The following NCR1 variants were observed in gnomAD, a reference collection of about 807,000 sequenced individuals.
NCR1 encodes the protein NK cell-activating receptor.
Under a neutral mutation model 32.5 loss-of-function variants are expected in NCR1, and 30 were observed. That is an observed-to-expected ratio of 0.92 (90% confidence interval 0.69 to 1.25). The LOEUF (loss-of-function observed/expected upper bound fraction) is 1.25, where lower values mean the gene tolerates loss of function less well. Among genes scored for constraint, NCR1 ranks in the 50% most tolerant of loss-of-function variants. The probability of loss-of-function intolerance (pLI) is 0.00; values close to 1 mark genes in which losing one functional copy is unlikely to be tolerated. For synonymous variants in NCR1, 169 were observed against 143.4 expected (o/e 1.18, Z -1.28); for missense variants, 369 against 380.7 (o/e 0.97, Z 0.26).
At position 54,906,169 on chromosome 19, in the gene NCR1, G is replaced by C. The variant is rs374721067; in HGVS notation, c.-19G>C. 8 of 1,614,114 alleles carry C rather than the reference G, an allele frequency of 5.0e-6. No individual in the cohort carries two copies. Among genetic ancestry groups the C allele is most frequent in the Non-Finnish European group, 6.8e-6 (8 of 1,180,040 alleles). On this transcript the variant is annotated 5_prime_UTR_variant, in exon 1 of 7. Coordinates refer to ENST00000291890, the MANE Select transcript of NCR1 (RefSeq NM_004829.7). ...GCTCAGTCCCCACTGCTCAGCACTA[G>C]GCCGGCAGAATCTGAGCGATGTCTT...
Position 54,909,499 on chromosome 19 carries a change from G to A in NCR1, c.610G>A (p.Glu204Lys), listed in dbSNP as rs759650681. Residue 204 changes from glutamate (E) to lysine (K), a missense_variant, in exon 4 of 7, where the codon GAG (glutamate) becomes AAG (lysine). Physicochemically the swap from Glu to Lys is moderately conservative, Grantham distance 56. Coordinates refer to ENST00000291890, the MANE Select transcript of NCR1 (RefSeq NM_004829.7). ...YNNHAWSFPS[E>K]PVKLLVTGDI... The stretch of plus-strand genomic sequence containing the variant: ...CAACCATGCCTGGTCTTTCCCCAGT[G>A]AGCCAGTGAAGCTCCTGGTCACAGG... 8 of 1,606,754 alleles carry A rather than the reference G, an allele frequency of 5.0e-6. No homozygotes were observed. In the East Asian group the frequency reaches 1.8e-4, roughly 36 times the overall value.
the NCR1 span, among the ~76,000 whole-genome samples, chr19:54,927,155 G>A: frequency 1.3e-4 from 19 of 150,914 alleles, no homozygotes; most frequent in Non-Finnish European, 2.2e-4. Context: ...TTGGGAGGCC[G>A]AGGCAGGTGG....
At chr19:54,912,316 GC>G in intron 6 of NCR1, 98 bp downstream of exon 6, 1 of 1,222,086 alleles carries the variant, frequency 8.2e-7, no homozygotes, top group Non-Finnish European at 1.2e-6. Context: ...GGTGTCCTTG[GC>G]CAGGCGCAGT....
downstream of NCR1, among the ~76,000 whole-genome samples, chr19:54,920,560 C>T (rs1231731102): frequency 1.3e-5 from 2 of 152,140 alleles, no homozygotes; most frequent in Non-Finnish European, 2.9e-5. Context: ...AGTGTGGCAG[C>T]TCACGCGTGT....
At chr19:54,922,171 G>A in the NCR1 span, among the ~76,000 whole-genome samples, 1 of 152,128 alleles carries the variant, frequency 6.6e-6, no homozygotes, top group Non-Finnish European at 1.5e-5. Flanking sequence ...GGGATTACAG[G>A]TGTGAGCCAC....
chr19:54,909,932 CTCA>C, intron 4 of NCR1, 83 bp from the exon 5 acceptor site: 1 of 741,518 alleles, frequency 1.3e-6, no homozygotes, highest in East Asian at 3.8e-5. Flanking sequence ...AAGACTCCAT[CTCA>C]AAAAAAAAAA....
chr19:54,916,707 T>G (rs1330007880), downstream of NCR1, among the ~76,000 whole-genome samples: 1 of 130,590 alleles, frequency 7.7e-6, no homozygotes, highest in African/African-American at 2.9e-5. Flanking sequence ...GTTCTATTTT[T>G]TTTTTTTTTT....
Position 54,906,788 on chromosome 19 carries a change from G to A in NCR1, c.336G>A (p.Leu112=). Residue 112 remains leucine, a synonymous_variant, in exon 3 of 7, where the codon TTG becomes TTA. Transcript: ENST00000291890. Reference sequence around the variant, plus strand: ...AGCTCTGGTCAGAGCCCAGCAACTTGCTGGATCTGGTGGTAACAGGTAACT... The same window carrying A: ...AGCTCTGGTCAGAGCCCAGCAACTTACTGGATCTGGTGGTAACAGGTAACT... ...VGELWSEPSN[L]LDLVVTEMYD... The A allele has an allele frequency of 1.2e-6, 2 of 1,614,156 alleles. No homozygotes were observed. Among genetic ancestry groups the A allele is most frequent in the Non-Finnish European group, 1.7e-6 (2 of 1,180,030 alleles).
the NCR1 span, among the ~76,000 whole-genome samples, chr19:54,935,694 G>GA: frequency 9.4e-3 from 995 of 105,972 alleles, 7 homozygotes; most frequent in East Asian, 0.019. Flanking sequence ...CTGTCTCAAA[G>GA]AAAAAAAAAA....
chr19:54,908,900 G>A (rs2067789519), intron 3 of NCR1, among the ~76,000 whole-genome samples: 1 of 151,756 alleles, frequency 6.6e-6, no homozygotes, highest in Non-Finnish European at 1.5e-5. Flanking sequence ...ATAGTGCCAC[G>A]GCGCTCCAGC....
downstream of NCR1, among the ~76,000 whole-genome samples, chr19:54,914,164 C>CTTTTTTTTTTTTTT (rs533441878): frequency 3.2e-5 from 4 of 124,092 alleles, no homozygotes; most frequent in Admixed American, 8.1e-5. Context: ...TCTTCTCTTC[C>CTTTTTTTTTTTTTT]TTTTTTTTTT....
At chr19:54,912,090 G>T (rs1048987540) in intron 5 of NCR1, 78 bp from the exon 6 acceptor site, 1 of 1,261,458 alleles carries the variant, frequency 7.9e-7, no homozygotes, top group African/African-American at 1.5e-5. Context: ...AGAACGTCAT[G>T]GGGTAGACCC....
chr19:54,899,635 T>G, the NCR1 span, among the ~76,000 whole-genome samples: 1 of 148,470 alleles, frequency 6.7e-6, no homozygotes. Context: ...CCACTAAGGG[T>G]GAAGGAGAAG....
chr19:54,917,226 A>G (rs921816969), downstream of NCR1, among the ~76,000 whole-genome samples: 3 of 151,352 alleles, frequency 2.0e-5, no homozygotes, highest in African/African-American at 7.3e-5. Context: ...GAGGCAGGAG[A>G]ATCGTTCAAA....
the NCR1 span, among the ~76,000 whole-genome samples, chr19:54,937,041 AC>A: frequency 1.3e-5 from 2 of 151,234 alleles, no homozygotes; most frequent in Non-Finnish European, 2.9e-5. Context: ...ACACGGTGAA[AC>A]CCCGTCTTTA....
the NCR1 span, among the ~76,000 whole-genome samples, chr19:54,935,239 T>A: frequency 5.5e-4 from 84 of 151,866 alleles, 2 homozygotes; most frequent in African/African-American, 1.9e-3. Flanking sequence ...AAAAAAAAAT[T>A]TTTTTTTTGA....
the NCR1 span, among the ~76,000 whole-genome samples, chr19:54,935,783 T>C: frequency 6.6e-6 from 1 of 151,668 alleles, no homozygotes; most frequent in Non-Finnish European, 1.5e-5. Flanking sequence ...CTGAGATTGA[T>C]GATCCATTCT....
At chr19:54,923,668 C>A in the NCR1 span, 2 of 1,535,756 alleles carry the variant, frequency 1.3e-6, no homozygotes, top group South Asian at 2.2e-5. Flanking sequence ...GACCCTCTGA[C>A]CTGCATTCAT....
downstream of NCR1, among the ~76,000 whole-genome samples, chr19:54,914,422 T>A (rs2068091177): frequency 6.6e-6 from 1 of 152,080 alleles, no homozygotes; most frequent in Non-Finnish European, 1.5e-5. Flanking sequence ...CACTGCCACC[T>A]CCACCTCCAG....
Sources: gnomAD v4.1 joint callset for allele counts (sites outside exome capture counted in the v4.1 genomes callset) on GRCh38, gnomAD v4.1.1 for gene constraint, MANE v1.5 for transcripts, NCBI Gene and HGNC (gene_info 2026-07-23, HGNC 2026-07-21) for gene names.